PTPRM: variants seen among roughly 807,000 people sequenced by gnomAD.
The protein encoded by PTPRM is protein tyrosine phosphatase receptor type M, also known as receptor-type tyrosine-protein phosphatase mu.
In PTPRM, 47 loss-of-function variants were observed where a neutral mutation model predicts 186.7. That is an observed-to-expected ratio of 0.25 (90% confidence interval 0.20 to 0.32). PTPRM has a LOEUF of 0.32. Ranked by LOEUF, PTPRM falls within the 10% of genes least tolerant of loss-of-function variation. PTPRM has a pLI of 1.00. For missense variants in PTPRM, 1,494 were observed against 1,865.0 expected (o/e 0.80, Z 3.66); for synonymous variants, 668 against 674.9 (o/e 0.99, Z 0.16).
intron 7 of PTPRM, among the ~76,000 whole-genome samples, chr18:7,992,890 A>G (rs2083334959): frequency 6.6e-6 from 1 of 152,124 alleles, no homozygotes; most frequent in Non-Finnish European, 1.5e-5. Context: ...ACAATTATTT[A>G]TTCAATTTTT....
At chr18:7,738,716 C>T (rs148887426) in intron 1 of PTPRM, among the ~76,000 whole-genome samples, 4,206 of 151,966 alleles carry the variant, frequency 0.028, 77 homozygotes, top group Non-Finnish European at 0.04. Context: ...GCTGGGATTA[C>T]AGGTGTGAGC....
At chr18:8,363,632 G>A (rs2095610276) in intron 23 of PTPRM, among the ~76,000 whole-genome samples, 1 of 152,184 alleles carries the variant, frequency 6.6e-6, no homozygotes, top group Non-Finnish European at 1.5e-5. Context: ...TCCCCTGGCA[G>A]GAGGACTTAC....
At chr18:7,585,311 C>T (rs1361949739) in intron 1 of PTPRM, among the ~76,000 whole-genome samples, 1 of 151,978 alleles carries the variant, frequency 6.6e-6, no homozygotes, top group African/African-American at 2.4e-5. Flanking sequence ...AGTGAGTTTT[C>T]GAAGGCTGTG....
At chr18:8,065,821 GTGTT>G in intron 7 of PTPRM, among the ~76,000 whole-genome samples, 1 of 152,304 alleles carries the variant, frequency 6.6e-6, no homozygotes, top group East Asian at 1.9e-4. Context: ...TGGGGGGACA[GTGTT>G]TGTATTCTAC....
At chr18:7,688,231 G>A (rs1214128893) in intron 1 of PTPRM, among the ~76,000 whole-genome samples, 3 of 152,136 alleles carry the variant, frequency 2.0e-5, no homozygotes, top group Admixed American at 6.5e-5. Flanking sequence ...TGGGCTTTTT[G>A]TGGCGGAAAT....
At chr18:7,988,688 C>T (rs2083099288) in intron 7 of PTPRM, among the ~76,000 whole-genome samples, 1 of 152,130 alleles carries the variant, frequency 6.6e-6, no homozygotes, top group African/African-American at 2.4e-5. Context: ...TGACTTATTT[C>T]AACAAGCATG....
chr18:8,163,011 C>A (rs137925750), intron 14 of PTPRM, among the ~76,000 whole-genome samples: 1 of 152,192 alleles, frequency 6.6e-6, no homozygotes, highest in African/African-American at 2.4e-5. Context: ...TCAGCCAGCT[C>A]TAGCGCCTTC....
intron 14 of PTPRM, among the ~76,000 whole-genome samples, chr18:8,209,685 T>A (rs2093976291): frequency 6.6e-6 from 1 of 152,006 alleles, no homozygotes; most frequent in South Asian, 2.1e-4. Flanking sequence ...ATGAGGCAAT[T>A]AGGGTAGACC....
chr18:8,145,882 G>C (rs1460950636), intron 14 of PTPRM, among the ~76,000 whole-genome samples: 1 of 152,188 alleles, frequency 6.6e-6, no homozygotes, highest in Non-Finnish European at 1.5e-5. Context: ...GGTATTTGTA[G>C]TTCTAGGTCC....
At chr18:8,264,910 C>T (rs539045013) in intron 19 of PTPRM, among the ~76,000 whole-genome samples, 3 of 152,266 alleles carry the variant, frequency 2.0e-5, no homozygotes, top group East Asian at 1.9e-4. Flanking sequence ...TTAAGTAACT[C>T]GCCCCAGGCT....
chr18:8,124,906 A>G (rs1318168146), intron 13 of PTPRM, among the ~76,000 whole-genome samples: 3 of 152,134 alleles, frequency 2.0e-5, no homozygotes, highest in African/African-American at 4.8e-5. Flanking sequence ...ATTTGATGCT[A>G]TACTTGCACT....
intron 9 of PTPRM, among the ~76,000 whole-genome samples, chr18:8,082,403 A>G (rs2090174124): frequency 6.6e-6 from 1 of 152,052 alleles, no homozygotes; most frequent in Non-Finnish European, 1.5e-5. Context: ...GATACACAGA[A>G]TGAGAACTCT....
At position 7,926,406 on chromosome 18, in the gene PTPRM, A is replaced by T. The variant is rs7240783; in HGVS notation, c.548-162A>T. Reference sequence around the variant, plus strand: ...ATACTAAAACCTTTTATGATTTTTTAAAAATTATAGTTAAATCTTTAAAGC... The same window carrying T: ...ATACTAAAACCTTTTATGATTTTTTTAAAATTATAGTTAAATCTTTAAAGC... On this transcript the variant is annotated intron_variant, in intron 4 of 32. Coordinates refer to ENST00000580170, the MANE Select transcript of PTPRM (RefSeq NM_001105244.2). 0.15 allele frequency among the ~76,000 whole-genome samples: 22,862 copies of T among 152,110 alleles called. 2,107 individuals are homozygous for T. Among genetic ancestry groups the T allele is most frequent in the Middle Eastern group, 0.29 (85 of 292 alleles).
intron 14 of PTPRM, among the ~76,000 whole-genome samples, chr18:8,240,623 GAGAGA>G (rs2094411419): frequency 3.8e-4 from 10 of 26,212 alleles, no homozygotes; most frequent in African/African-American, 1.2e-3. Flanking sequence ...GGGAGGGAGA[GAGAGA>G]GAGAGAGAGA....
intron 2 of PTPRM, among the ~76,000 whole-genome samples, chr18:7,812,661 G>A (rs2044589479): frequency 6.6e-6 from 1 of 152,014 alleles, no homozygotes. Flanking sequence ...AATCAGTCTG[G>A]AATTTAAAAT....
chr18:7,756,504 A>C (rs1381301152), intron 1 of PTPRM, among the ~76,000 whole-genome samples: 2 of 152,170 alleles, frequency 1.3e-5, no homozygotes, highest in Non-Finnish European at 2.9e-5. Context: ...ATCTTTACTT[A>C]ATAAGTCTGT....
chr18:8,168,694 A>AT (rs1368020103), intron 14 of PTPRM, among the ~76,000 whole-genome samples: 1 of 152,222 alleles, frequency 6.6e-6, no homozygotes, highest in African/African-American at 2.4e-5. Flanking sequence ...ATAATCACAA[A>AT]TTGTTTAGAT....
chr18:7,981,144 A>G (rs1482100007), intron 7 of PTPRM, among the ~76,000 whole-genome samples: 1 of 152,076 alleles, frequency 6.6e-6, no homozygotes, highest in Non-Finnish European at 1.5e-5. Flanking sequence ...CTGGTTTTCT[A>G]CTACTCCTAC....
At chr18:8,197,830 C>G (rs951065702) in intron 14 of PTPRM, among the ~76,000 whole-genome samples, 27 of 152,296 alleles carry the variant, frequency 1.8e-4, no homozygotes, top group Middle Eastern at 3.4e-3. Flanking sequence ...ATAATATTCT[C>G]TAATTCTTTG....
Sources: gnomAD v4.1 joint callset for allele counts (sites outside exome capture counted in the v4.1 genomes callset) on GRCh38, gnomAD v4.1.1 for gene constraint, MANE v1.5 for transcripts, NCBI Gene and HGNC (gene_info 2026-07-23, HGNC 2026-07-21) for gene names.